NAV2: variants seen among roughly 807,000 people sequenced by gnomAD.
NAV2 encodes neuron navigator 2.
In NAV2, 54 loss-of-function variants were observed where a neutral mutation model predicts 223.2. The ratio of observed to expected loss-of-function variants is 0.24; its 90% CI spans 0.19 to 0.30. The LOEUF is 0.30. NAV2 is among the 10% of genes least tolerant of loss of function. The pLI is 1.00. For synonymous variants in NAV2, 1,279 were observed against 1,239.3 expected (o/e 1.03, Z -0.67); for missense variants, 2,806 against 3,147.5 (o/e 0.89, Z 2.60).
Position 20,091,058 on chromosome 11 carries a change from A to G in NAV2, c.5652+40A>G, listed in dbSNP as rs777150552. On this transcript the variant is annotated intron_variant, in intron 27 of 37. Coordinates refer to ENST00000349880, the MANE Select transcript of NAV2 (RefSeq NM_145117.5). ...GCATGGGCTGAGCTCAAGGCTGTCT[A>G]TGAAGGAGCTCCCAGAGGCTGCTCT... 5.6e-6 allele frequency: 9 copies of G among 1,600,324 alleles called. No homozygotes were observed. The East Asian group carries it at 1.6e-4, about 28-fold the overall frequency.
intron 1 of NAV2, among the ~76,000 whole-genome samples, chr11:19,491,999 GA>G: frequency 6.6e-6 from 1 of 151,910 alleles, no homozygotes; most frequent in Non-Finnish European, 1.5e-5. Flanking sequence ...GAGAGATGGG[GA>G]AAGAGCCATT....
intron 36 of NAV2, among the ~76,000 whole-genome samples, chr11:20,109,615 C>T (rs529459893): frequency 1.3e-5 from 2 of 152,332 alleles, no homozygotes; most frequent in East Asian, 3.9e-4. Context: ...TCATTGATGG[C>T]TTCCAGGGAG....
At position 20,068,343 on chromosome 11, in the gene NAV2, A is replaced by C. The variant is rs925786439; in HGVS notation, c.4928A>C (p.Glu1643Ala). ...CQSEIRKLRR[E>A]LDASQEKVSA... The stretch of plus-strand genomic sequence containing the variant: ...CTTTAGATTCGCAAGCTGCGGCGGG[A>C]ACTGGATGCCTCCCAGGAGAAAGTT... Residue 1643 changes from glutamate (E) to alanine (A), a missense_variant, in exon 22 of 38, where the codon GAA becomes GCA. Physicochemically the swap from Glu to Ala is moderately radical, Grantham distance 107 (BLOSUM62 -1). Around this residue, in one of 4 missense-constraint regions of NAV2, gnomAD observed 824 missense variants for 1,069.4 expected, o/e 0.77. Transcript: ENST00000349880. 1 of 1,614,168 alleles carries C rather than the reference A, an allele frequency of 6.2e-7. No homozygotes were observed. Among genetic ancestry groups the C allele is most frequent in the Non-Finnish European group, 8.5e-7 (1 of 1,180,012 alleles).
At chr11:19,583,741 G>A (rs1335094058) in intron 1 of NAV2, among the ~76,000 whole-genome samples, 1 of 152,196 alleles carries the variant, frequency 6.6e-6, no homozygotes, top group Non-Finnish European at 1.5e-5. Context: ...CTTGATCGTG[G>A]TGGATAACTT....
At chr11:19,814,755 C>T (rs1362181034) in intron 1 of NAV2, among the ~76,000 whole-genome samples, 2 of 152,156 alleles carry the variant, frequency 1.3e-5, no homozygotes, top group Non-Finnish European at 2.9e-5. Flanking sequence ...CTTGAGCCAC[C>T]ATGCCCAGGT....
At chr11:19,672,461 G>A (rs1057152541) in intron 1 of NAV2, among the ~76,000 whole-genome samples, 1 of 152,140 alleles carries the variant, frequency 6.6e-6, no homozygotes, top group Admixed American at 6.5e-5. Flanking sequence ...CCTTGGTTGA[G>A]TAAGTTATTC....
rs1376463121 is a variant in NAV2 at position 19,736,393 on chromosome 11, G to A, written c.267+22431G>A. The stretch of plus-strand genomic sequence containing the variant: ...ACTGGTGGGCCAGACACAGGACATG[G>A]ATTATGAGATCCTCCTTGGCAGTCC... On this transcript the variant is annotated intron_variant, in intron 1 of 37. Transcript: ENST00000349880. Among the ~76,000 whole-genome samples the A allele has an allele frequency of 2.6e-5, 4 of 152,178 alleles. No homozygotes were observed. The South Asian group carries it at 6.2e-4, about 24-fold the overall frequency.
intron 1 of NAV2, among the ~76,000 whole-genome samples, chr11:19,686,903 A>G (rs1053477334): frequency 2.6e-5 from 4 of 152,250 alleles, no homozygotes; most frequent in African/African-American, 9.6e-5. Context: ...TATGCAGTAC[A>G]GGTAATTCCC....
At chr11:19,902,163 C>T (rs2042497046) in intron 6 of NAV2, among the ~76,000 whole-genome samples, 1 of 152,186 alleles carries the variant, frequency 6.6e-6, no homozygotes, top group South Asian at 2.1e-4. Flanking sequence ...TTACTCCACC[C>T]TAGCTTTTGT....
At chr11:19,418,919 AG>A (rs1304627915) in intron 1 of NAV2, among the ~76,000 whole-genome samples, 1 of 152,160 alleles carries the variant, frequency 6.6e-6, no homozygotes, top group African/African-American at 2.4e-5. Flanking sequence ...GAGTGATAGC[AG>A]GGCATGGATT....
At chr11:19,424,043 G>A in intron 1 of NAV2, among the ~76,000 whole-genome samples, 1 of 152,190 alleles carries the variant, frequency 6.6e-6, no homozygotes. Context: ...CTGAAATGGA[G>A]TTGTATGCTG....
At chr11:19,897,064 T>C (rs375284913) in intron 6 of NAV2, among the ~76,000 whole-genome samples, 42 of 152,096 alleles carry the variant, frequency 2.8e-4, no homozygotes, top group African/African-American at 9.4e-4. Flanking sequence ...TAAAAAATGA[T>C]GAGTTCATGT....
At chr11:19,637,210 T>G (rs1448805620) in intron 1 of NAV2, among the ~76,000 whole-genome samples, 1 of 152,210 alleles carries the variant, frequency 6.6e-6, no homozygotes, top group Non-Finnish European at 1.5e-5. Context: ...AGGTAGTGGC[T>G]ACCTGGCTGG....
At chr11:19,990,938 G>A (rs886300343) in intron 11 of NAV2, among the ~76,000 whole-genome samples, 2 of 152,030 alleles carry the variant, frequency 1.3e-5, no homozygotes, top group African/African-American at 4.8e-5. Flanking sequence ...AAAGATGTGA[G>A]TTTTGCTGTA....
intron 1 of NAV2, among the ~76,000 whole-genome samples, chr11:19,682,298 C>CT (rs2048902018): frequency 6.6e-6 from 1 of 152,200 alleles, no homozygotes; most frequent in Non-Finnish European, 1.5e-5. Context: ...CTGTGCTAAA[C>CT]TTTTTACACA....
chr11:19,544,334 AC>A (rs1293970793), intron 1 of NAV2, among the ~76,000 whole-genome samples: 2 of 152,182 alleles, frequency 1.3e-5, no homozygotes, highest in Non-Finnish European at 2.9e-5. Context: ...TAAGACAGAC[AC>A]AGGTTTCAAG....
intron 1 of NAV2, among the ~76,000 whole-genome samples, chr11:19,682,905 T>C (rs2048917533): frequency 6.6e-6 from 1 of 152,128 alleles, no homozygotes; most frequent in South Asian, 2.1e-4. Flanking sequence ...CATATCATAT[T>C]CATTTTGCCC....
At chr11:19,416,271 A>G (rs1428461034) in intron 1 of NAV2, among the ~76,000 whole-genome samples, 2 of 152,230 alleles carry the variant, frequency 1.3e-5, no homozygotes, top group Non-Finnish European at 2.9e-5. Flanking sequence ...ATCAATGTGC[A>G]AAAATCACAA....
intron 1 of NAV2, among the ~76,000 whole-genome samples, chr11:19,413,629 C>T (rs3110084): frequency 0.7 from 106,034 of 151,884 alleles, 37,073 homozygotes; most frequent in Admixed American, 0.72. Context: ...ATCATCAAAT[C>T]CACTAAGGTT....
Sources: allele counts gnomAD v4.1 joint callset (sites outside exome capture counted in the v4.1 genomes callset), GRCh38; gene constraint gnomAD v4.1.1; regional missense constraint gnomAD v4.1.1; transcripts MANE v1.5; gene names NCBI Gene and HGNC (gene_info 2026-07-23, HGNC 2026-07-21).